The following ZNF280C variants were observed in gnomAD, a reference collection of about 807,000 sequenced individuals.
ZNF280C encodes the protein zinc finger protein 280C.
A neutral mutation model predicts 53.6 loss-of-function variants in ZNF280C; 14 were observed. That is an observed-to-expected ratio of 0.26 (90% CI 0.17 to 0.41). ZNF280C has a LOEUF of 0.41. Ranked by LOEUF, ZNF280C falls within the 10% of genes least tolerant of loss-of-function variation. The pLI is 1.00. For synonymous variants in ZNF280C, 203 were observed against 181.1 expected (o/e 1.12, Z -0.97); for missense variants, 416 against 547.1 (o/e 0.76, Z 2.39).
Position 130,267,900 on chromosome X carries a change from C to T in ZNF280C, c.-17+862G>A, listed in dbSNP as rs950826748. Reference sequence around the variant, plus strand: ...CGCAGATTTAAAAAACTCCACAAAACTAACAAATCTTTCCAAACAAAGAGA... The same window carrying T: ...CGCAGATTTAAAAAACTCCACAAAATTAACAAATCTTTCCAAACAAAGAGA... On this transcript the variant is annotated intron_variant, in intron 1 of 18. Coordinates refer to ENST00000370978, the MANE Select transcript of ZNF280C (RefSeq NM_017666.5). Among the ~76,000 whole-genome samples the T allele has an allele frequency of 2.7e-5, 3 of 112,021 alleles. No individual in the cohort carries two copies. The East Asian group carries it at 8.4e-4, about 31-fold the overall frequency.
At chrX:130,262,687 G>C (rs1474391545) in intron 1 of ZNF280C, among the ~76,000 whole-genome samples, 1 of 111,352 alleles carries the variant, frequency 9.0e-6, no homozygotes, top group Non-Finnish European at 1.9e-5. Context: ...CAAGAGGAAA[G>C]AACACCCCAT....
At position 130,218,367 on chromosome X, in the gene ZNF280C, T is replaced by C. The variant is rs552574723; in HGVS notation, c.1527+1982A>G. 6.3e-5 allele frequency among the ~76,000 whole-genome samples: 7 copies of C among 111,996 alleles called. No individual in the cohort carries two copies. The Middle Eastern group carries it at 0.019, about 296-fold the overall frequency. ...TGCTTCCAAGGTTATGGTGAGCTTATATCAATTCATCACACAGCATGGTGG... is the reference window on the plus strand; with the variant it reads ...TGCTTCCAAGGTTATGGTGAGCTTACATCAATTCATCACACAGCATGGTGG... On this transcript the variant is annotated intron_variant, in intron 13 of 18. Coordinates refer to ENST00000370978, the MANE Select transcript of ZNF280C (RefSeq NM_017666.5).
At chrX:130,263,606 G>T (rs780942081) in intron 1 of ZNF280C, among the ~76,000 whole-genome samples, 2 of 111,838 alleles carry the variant, frequency 1.8e-5, no homozygotes, top group Admixed American at 9.5e-5. Context: ...TTACTGGGGT[G>T]ATGAAAATGT....
intron 15 of ZNF280C, among the ~76,000 whole-genome samples, chrX:130,214,220 C>T (rs769891059): frequency 1.1e-4 from 12 of 111,148 alleles, no homozygotes; most frequent in Non-Finnish European, 2.1e-4. Flanking sequence ...AAAGCAAGCC[C>T]CTGTGAATGA....
intron 13 of ZNF280C, among the ~76,000 whole-genome samples, chrX:130,219,307 G>T (rs1337767922): frequency 1.8e-5 from 2 of 109,702 alleles, no homozygotes; most frequent in Admixed American, 2.0e-4. Flanking sequence ...CCATGTTGGC[G>T]AAACCCAGTC....
At chrX:130,248,036 T>C in intron 2 of ZNF280C, among the ~76,000 whole-genome samples, 1 of 102,873 alleles carries the variant, frequency 9.7e-6, no homozygotes, top group Middle Eastern at 4.7e-3. Flanking sequence ...TACCAGAAAA[T>C]TGAGGAAAAC....
At chrX:130,236,141 T>C in intron 8 of ZNF280C, 73 bp downstream of exon 8, 1 of 671,304 alleles carries the variant, frequency 1.5e-6, no homozygotes, top group Non-Finnish European at 2.2e-6. Context: ...CAGCATTTAC[T>C]GTATATCAAT....
chrX:130,265,420 GAC>G (rs1184101649), intron 1 of ZNF280C, among the ~76,000 whole-genome samples: 2 of 112,384 alleles, frequency 1.8e-5, no homozygotes, highest in Non-Finnish European at 3.8e-5. Flanking sequence ...ATGGGGAAAA[GAC>G]TAATGTACAA....
intron 1 of ZNF280C, among the ~76,000 whole-genome samples, chrX:130,261,121 GT>G (rs766029865): frequency 7.1e-5 from 8 of 111,970 alleles, no homozygotes; most frequent in African/African-American, 2.6e-4. Flanking sequence ...TGTGCTCAGG[GT>G]AGTATGCCAA....
intron 13 of ZNF280C, among the ~76,000 whole-genome samples, chrX:130,217,737 T>A (rs181277466): frequency 4.3e-4 from 49 of 112,999 alleles, no homozygotes; most frequent in African/African-American, 1.5e-3. Context: ...AAATGAAATT[T>A]ATCTTGATAT....
chrX:130,215,117 A>G, intron 15 of ZNF280C, 76 bp downstream of exon 15: 2 of 1,117,789 alleles, frequency 1.8e-6, no homozygotes, highest in South Asian at 3.9e-5. Context: ...ACTTGCTTTC[A>G]ATAGGATAAC....
At chrX:130,233,280 T>C (rs752865843) in intron 8 of ZNF280C, among the ~76,000 whole-genome samples, 150 of 111,569 alleles carry the variant, frequency 1.3e-3, no homozygotes, top group Non-Finnish European at 1.7e-3. Flanking sequence ...AGATCTACTA[T>C]ATAGAATAGT....
rs6654602 is a variant in ZNF280C, at chrX:130,262,466, T to C, written c.-16-2001A>G. The stretch of plus-strand genomic sequence containing the variant: ...CTTCATGGATTCCTTTGGGGAAGGA[T>C]TGCAGCCTTCTAAAACTATCACAAA... On this transcript the variant is annotated intron_variant, in intron 1 of 18. Transcript: ENST00000370978. 3.7e-3 allele frequency among the ~76,000 whole-genome samples: 416 copies of C among 112,324 alleles called. 3 individuals are homozygous for C. Among genetic ancestry groups the C allele is most frequent in the African/African-American group, 0.013 (389 of 30,948 alleles).
intron 12 of ZNF280C, among the ~76,000 whole-genome samples, chrX:130,223,171 C>A (rs999978685): frequency 9.0e-6 from 1 of 110,951 alleles, no homozygotes; most frequent in Non-Finnish European, 1.9e-5. Context: ...GATTCTCCCC[C>A]CTCAGCCTAC....
chrX:130,256,006 A>G (rs1351082004), intron 2 of ZNF280C, among the ~76,000 whole-genome samples: 1 of 111,120 alleles, frequency 9.0e-6, no homozygotes, highest in Non-Finnish European at 1.9e-5. Context: ...GGTGGTGTGC[A>G]CTCAAGTCCT....
In ZNF280C at chrX:130,230,734, G is replaced by A. The variant is rs767583281; in HGVS notation, c.772-7C>T. 5.3e-6 allele frequency: 6 copies of A among 1,141,485 alleles called. No homozygotes were observed. Among genetic ancestry groups the A allele is most frequent in the Middle Eastern group, 2.4e-4 (1 of 4,129 alleles). The allele number at this position is 1,141,485 out of a possible 1,213,427, so 94.1% of individuals were successfully genotyped here. A position where few individuals can be genotyped will look rare whatever the true frequency, so the allele number is the denominator to read the frequency against. On this transcript the variant is annotated splice_polypyrimidine_tract_variant and splice_region_variant and intron_variant, in intron 8 of 18. Transcript: ENST00000370978. ...TCATGTCTGGACAACAATGCTGAAA[G>A]AGGAAAAAAATATGAGCCTTGTCTA... is the stretch of plus-strand genomic sequence containing the variant.
Position 130,255,497 on chromosome X carries a change from A to AG in ZNF280C, c.31+4921_31+4922insC, listed in dbSNP as rs749937369. Among the ~76,000 whole-genome samples the AG allele has an allele frequency of 2.9e-4, 32 of 110,886 alleles. No individual in the cohort carries two copies. In the East Asian group the frequency reaches 7.9e-3, roughly 27 times the overall value. ...TAACAAAAGCTCCAGAAAAAAAAAAAAGAGAGAGAAAAAGGAGAGGAGAAG... is the reference window on the plus strand; with the variant it reads ...TAACAAAAGCTCCAGAAAAAAAAAAAGAGAGAGAGAAAAAGGAGAGGAGAAG... On this transcript the variant is annotated intron_variant, in intron 2 of 18. Transcript: ENST00000370978.
Position 130,230,737 on chromosome X carries a change from G to T in ZNF280C, c.772-10C>A. ...TGTCTGGACAACAATGCTGAAAGAG[G>T]AAAAAAATATGAGCCTTGTCTACAG... On this transcript the variant is annotated splice_polypyrimidine_tract_variant and intron_variant, in intron 8 of 18. Transcript: ENST00000370978. 1.8e-6 allele frequency: 2 copies of T among 1,119,270 alleles called. No homozygotes were observed. Among genetic ancestry groups the T allele is most frequent in the Non-Finnish European group, 1.2e-6 (1 of 823,213 alleles). The allele number at this position is 1,119,270 out of a possible 1,213,427, so 92.2% of individuals were successfully genotyped here. A position where few individuals can be genotyped will look rare whatever the true frequency, so the allele number is the denominator to read the frequency against.
chrX:130,241,869 CTG>C (rs1408834710), intron 5 of ZNF280C, among the ~76,000 whole-genome samples: 1 of 111,260 alleles, frequency 9.0e-6, no homozygotes, highest in African/African-American at 3.3e-5. Context: ...CATTTACCAG[CTG>C]TGTGTCCTTG....
Sources: gnomAD v4.1 joint callset for allele counts (sites outside exome capture counted in the v4.1 genomes callset) on GRCh38, gnomAD v4.1.1 for gene constraint, MANE v1.5 for transcripts, NCBI Gene and HGNC (gene_info 2026-07-23, HGNC 2026-07-21) for gene names.